EPHA3: variants seen among roughly 807,000 people sequenced by gnomAD.
EPHA3 encodes the protein ephrin type-A receptor 3.
A neutral mutation model predicts 107.1 loss-of-function variants in EPHA3; 42 were observed. That is an observed-to-expected ratio of 0.39 (90% CI 0.31 to 0.51). The LOEUF is 0.51. EPHA3 is among the 20% of genes least tolerant of loss of function. The pLI, the probability that EPHA3 is intolerant of heterozygous loss-of-function variation, is 0.78. For synonymous variants in EPHA3, 461 were observed against 424.8 expected (o/e 1.09, Z -1.05); for missense variants, 1,183 against 1,211.2 (o/e 0.98, Z 0.35).
rs549364713 is a variant in EPHA3, at chr3:89,224,625, C to T, written c.814+14105C>T. Among the ~76,000 whole-genome samples, 144 of 151,978 alleles carry T rather than the reference C, an allele frequency of 9.5e-4. 1 individual carries two copies. The highest frequency in any genetic ancestry group is 3.3e-3 in the African/African-American group (137 of 41,470). On this transcript the variant is annotated intron_variant, in intron 3 of 16. Transcript: ENST00000336596. ...GCACTTTGGGAGGCCAAGGCAGGCA[C>T]ATCACTTGAGGTCAGGAGTTCGGGA... is the stretch of plus-strand genomic sequence containing the variant.
chr3:89,265,826 T>A (rs1349828575), intron 3 of EPHA3, among the ~76,000 whole-genome samples: 5 of 152,152 alleles, frequency 3.3e-5, no homozygotes, highest in African/African-American at 1.2e-4. Context: ...CTGGGCAACC[T>A]TCTTTTTGTA....
At chr3:89,143,828 A>C (rs949675351) in intron 2 of EPHA3, among the ~76,000 whole-genome samples, 2 of 151,614 alleles carry the variant, frequency 1.3e-5, no homozygotes, top group Non-Finnish European at 3.0e-5. Context: ...TGCATTTAGT[A>C]GGAAGGAATT....
At chr3:89,327,471 G>A (rs1707190602) in intron 3 of EPHA3, among the ~76,000 whole-genome samples, 1 of 152,000 alleles carries the variant, frequency 6.6e-6, no homozygotes, top group Non-Finnish European at 1.5e-5. Flanking sequence ...TAAACTGTAA[G>A]CGCTAAGAAA....
chr3:89,399,706 C>A (rs1480389291), intron 7 of EPHA3: 1 of 1,233,758 alleles, frequency 8.1e-7, no homozygotes, highest in Non-Finnish European at 1.0e-6. Flanking sequence ...CAAACATATT[C>A]TAATGCCTGA....
intron 3 of EPHA3, among the ~76,000 whole-genome samples, chr3:89,273,720 T>C (rs767914221): frequency 6.9e-5 from 10 of 144,964 alleles, no homozygotes; most frequent in Admixed American, 2.0e-4. Context: ...CATAGTCTTA[T>C]TTTATGTATG....
intron 5 of EPHA3, among the ~76,000 whole-genome samples, chr3:89,347,030 A>G (rs1381141106): frequency 2.1e-5 from 3 of 142,294 alleles, no homozygotes; most frequent in Admixed American, 7.0e-5. Flanking sequence ...GCCTTGTAGT[A>G]TAGTTTGAAG....
At chr3:89,115,045 C>G (rs1395546400) in intron 1 of EPHA3, among the ~76,000 whole-genome samples, 2 of 152,116 alleles carry the variant, frequency 1.3e-5, no homozygotes, top group African/African-American at 4.8e-5. Flanking sequence ...CAGGTGACAG[C>G]CAGGGGAAGG....
At position 89,219,385 on chromosome 3, in the gene EPHA3, A is replaced by G. The variant is rs1485618469; in HGVS notation, c.814+8865A>G. Among the ~76,000 whole-genome samples the G allele has an allele frequency of 2.0e-5, 3 of 151,572 alleles. No individual in the cohort carries two copies. In the East Asian group the frequency reaches 5.9e-4, roughly 30 times the overall value. On this transcript the variant is annotated intron_variant, in intron 3 of 16. Coordinates refer to ENST00000336596, the MANE Select transcript of EPHA3 (RefSeq NM_005233.6). ...TCCATGTTGGTCAGGCTGGTCTCAA[A>G]CTCTCCACCTCAGGTGATCTGCCTG...
chr3:89,360,566 A>G (rs557243713), intron 5 of EPHA3, among the ~76,000 whole-genome samples: 22 of 151,062 alleles, frequency 1.5e-4, no homozygotes, highest in Non-Finnish European at 3.1e-4. Context: ...TAGTCTATAC[A>G]ACATGCCTTC....
intron 15 of EPHA3, among the ~76,000 whole-genome samples, chr3:89,452,139 G>T (rs769369107): frequency 1.3e-5 from 2 of 151,808 alleles, no homozygotes; most frequent in African/African-American, 2.4e-5. Context: ...TCATATCTTG[G>T]CTATTGTGAA....
intron 3 of EPHA3, among the ~76,000 whole-genome samples, chr3:89,234,101 A>G (rs1704697350): frequency 6.6e-6 from 1 of 152,212 alleles, no homozygotes; most frequent in South Asian, 2.1e-4. Flanking sequence ...ATAGAGTAGG[A>G]ATTTAACAAA....
chr3:89,333,267 G>A (rs1707327430), intron 3 of EPHA3, among the ~76,000 whole-genome samples: 1 of 152,074 alleles, frequency 6.6e-6, no homozygotes, highest in African/African-American at 2.4e-5. Context: ...GGCCCACAGT[G>A]TTTAGTTCCT....
chr3:89,300,025 C>T (rs1224076358), intron 3 of EPHA3, among the ~76,000 whole-genome samples: 3 of 151,796 alleles, frequency 2.0e-5, no homozygotes, highest in Non-Finnish European at 4.4e-5. Flanking sequence ...GCCAAATAAA[C>T]AACAACAAAA....
intron 11 of EPHA3, among the ~76,000 whole-genome samples, chr3:89,427,057 G>A (rs1576372205): frequency 6.6e-6 from 1 of 151,596 alleles, no homozygotes; most frequent in South Asian, 2.1e-4. Context: ...CAAATTCTGG[G>A]GGCTCAAGGT....
intron 3 of EPHA3, among the ~76,000 whole-genome samples, chr3:89,250,646 T>G (rs1705140857): frequency 6.6e-6 from 1 of 152,076 alleles, no homozygotes; most frequent in South Asian, 2.1e-4. Flanking sequence ...AATGCCTGAG[T>G]TCAACAAACT....
chr3:89,209,777 T>C, intron 2 of EPHA3, 83 bp from the exon 3 acceptor site: 2 of 1,165,464 alleles, frequency 1.7e-6, no homozygotes, highest in Non-Finnish European at 2.4e-6. Flanking sequence ...ATTTATTATA[T>C]AGAGATGGCT....
intron 6 of EPHA3, among the ~76,000 whole-genome samples, chr3:89,396,471 A>G (rs1708853427): frequency 1.3e-5 from 2 of 152,214 alleles, no homozygotes; most frequent in South Asian, 4.1e-4. Flanking sequence ...ATAGATGGAT[A>G]AATTTGCGTG....
At chr3:89,227,194 T>A (rs1311197302) in intron 3 of EPHA3, among the ~76,000 whole-genome samples, 1 of 152,112 alleles carries the variant, frequency 6.6e-6, no homozygotes, top group African/African-American at 2.4e-5. Context: ...ATTTACTTTT[T>A]ATTTTTTCCT....
intron 3 of EPHA3, among the ~76,000 whole-genome samples, chr3:89,269,112 A>T (rs1413890148): frequency 1.3e-5 from 2 of 152,144 alleles, no homozygotes; most frequent in Admixed American, 6.6e-5. Flanking sequence ...GACCAATAAG[A>T]TCTTTTAAGC....
Sources: allele counts gnomAD v4.1 joint callset (sites outside exome capture counted in the v4.1 genomes callset), GRCh38; gene constraint gnomAD v4.1.1; transcripts MANE v1.5; gene names NCBI Gene and HGNC (gene_info 2026-07-23, HGNC 2026-07-21).